SOD2: variants seen among roughly 807,000 people sequenced by gnomAD.
The protein encoded by SOD2 is superoxide dismutase [Mn], mitochondrial.
SOD2 carries 11 observed loss-of-function variants against 27.0 expected under a neutral mutation model. That is an observed-to-expected ratio of 0.41 (90% CI 0.26 to 0.67). SOD2 has a LOEUF of 0.67. SOD2 is among the 30% of genes least tolerant of loss of function. SOD2 has a pLI of 0.34. For missense variants in SOD2, 250 were observed against 274.5 expected (o/e 0.91, Z 0.63); for synonymous variants, 105 against 103.0 (o/e 1.02, Z -0.12).
rs1039610225 is a variant in SOD2 at position 159,673,302 on chromosome 6, C to T, written c.*9191G>A. The T allele has an allele frequency of 6.6e-6, 1 of 152,182 alleles. No individual in the cohort carries two copies. The highest frequency in any genetic ancestry group is 1.5e-5 in the Non-Finnish European group (1 of 68,030). 9.4% of individuals were successfully genotyped at this position (152,182 alleles called of 1,614,324 possible). On this transcript the variant is annotated 3_prime_UTR_variant, in exon 5 of 5. Coordinates refer to ENST00000538183, the MANE Select transcript of SOD2 (RefSeq NM_000636.4). ...CCAAATCAACAGAATATACATTCTT[C>T]TCAGCACCACATCGCACCTATTCCA...
At chr6:159,737,517 A>G (rs1778993617) in intron 1 of SOD2, among the ~76,000 whole-genome samples, 1 of 152,112 alleles carries the variant, frequency 6.6e-6, no homozygotes, top group African/African-American at 2.4e-5. Flanking sequence ...TTTCTGAGAC[A>G]GAGTCTCACT....
chr6:159,714,470 G>A (rs867704829), intron 1 of SOD2, among the ~76,000 whole-genome samples: 24 of 152,072 alleles, frequency 1.6e-4, no homozygotes, highest in Admixed American at 6.5e-5. Flanking sequence ...CCCCAGGCAG[G>A]GCCTGGGTAG....
upstream of SOD2, among the ~76,000 whole-genome samples, chr6:159,747,494 A>T (rs1052600811): frequency 2.0e-5 from 3 of 152,170 alleles, no homozygotes; most frequent in Admixed American, 6.6e-5. Flanking sequence ...TATGAATTAT[A>T]CTTTATTTTG....
chr6:159,719,470 G>A (rs1418896185), intron 1 of SOD2, among the ~76,000 whole-genome samples: 1 of 151,938 alleles, frequency 6.6e-6, no homozygotes, highest in Admixed American at 6.6e-5. Context: ...GGAGGTTGCA[G>A]TGAGCCGAGA....
chr6:159,726,485 G>A (rs770370168), intron 1 of SOD2: 4 of 235,480 alleles, frequency 1.7e-5, no homozygotes, highest in Non-Finnish European at 3.5e-5. Context: ...TGATAAAGCC[G>A]GCTAAGGACA....
intron 1 of SOD2, among the ~76,000 whole-genome samples, chr6:159,711,028 CCACTCAACAGCTCTGAT>C (rs1777738659): frequency 1.2e-5 from 1 of 81,024 alleles, no homozygotes; most frequent in African/African-American, 4.9e-5. Flanking sequence ...TCCATAACCA[CCACTCAACAGCTCTGAT>C]CACCATAACC....
At chr6:159,734,007 A>G (rs1029645813) in intron 1 of SOD2, among the ~76,000 whole-genome samples, 7 of 152,226 alleles carry the variant, frequency 4.6e-5, no homozygotes, top group East Asian at 1.9e-4. Context: ...CTTCAACACA[A>G]TTTACTTAAT....
chr6:159,680,584 GA>G lies in SOD2; in HGVS notation c.*1908del, dbSNP rs995947581. ...AAAAAAATAGAAAAATAAACTTGGG[GA>G]AAAAATTAAAAATAAAAAATAAACT... is the stretch of plus-strand genomic sequence containing the variant. On this transcript the variant is annotated 3_prime_UTR_variant, in exon 5 of 5. Coordinates refer to ENST00000538183, the MANE Select transcript of SOD2 (RefSeq NM_000636.4). 11 of 151,488 alleles carry G rather than the reference GA, an allele frequency of 7.3e-5. No homozygotes were observed. Among genetic ancestry groups the G allele is most frequent in the Non-Finnish European group, 1.6e-4 (11 of 67,890 alleles). The allele number at this position is 151,488 out of a possible 1,614,324, so 9.4% of individuals were successfully genotyped here.
chr6:159,727,831 C>G, upstream of SOD2: 6 of 659,250 alleles, frequency 9.1e-6, no homozygotes, highest in Non-Finnish European at 1.1e-5. Context: ...GGTGCGGCAC[C>G]GGTCTCTCGT....
intron 1 of SOD2, chr6:159,713,258 C>G: frequency 1.4e-6 from 1 of 719,308 alleles, no homozygotes; most frequent in Non-Finnish European, 2.5e-6. Context: ...ATTACAGCCA[C>G]GATAGTCATC....
chr6:159,710,643 G>C (rs1354040703), intron 1 of SOD2, among the ~76,000 whole-genome samples: 2 of 152,000 alleles, frequency 1.3e-5, no homozygotes, highest in Non-Finnish European at 2.9e-5. Context: ...TTGACTGACA[G>C]TCACTGGAGT....
chr6:159,740,750 C>T (rs963658182), intron 1 of SOD2, among the ~76,000 whole-genome samples: 11 of 148,886 alleles, frequency 7.4e-5, no homozygotes, highest in African/African-American at 2.7e-4. Flanking sequence ...TGTCACCAGG[C>T]TGGAATGCAG....
upstream of SOD2, among the ~76,000 whole-genome samples, chr6:159,731,120 A>C (rs182781655): frequency 2.1e-4 from 31 of 150,726 alleles, no homozygotes; most frequent in African/African-American, 6.8e-4. Context: ...CAGCCTGGGC[A>C]ACAGAGAGAG....
chr6:159,713,532 G>A, intron 1 of SOD2: 2 of 706,636 alleles, frequency 2.8e-6, no homozygotes. Context: ...ACTGCACAAA[G>A]GCTTCCCCTG....
chr6:159,688,230 G>A lies in SOD2; in HGVS notation c.239C>T (p.Ala80Val). 6.2e-7 allele frequency: 1 copy of A among 1,605,058 alleles called. No homozygotes were observed. The highest frequency in any genetic ancestry group is 8.5e-7 in the Non-Finnish European group (1 of 1,171,858). ...QEALAKGDVT[A>V]QIALQPALKF... ...CAGTGCAGGCTGAAGAGCTATCTGGGCTGTAACATCTCCTGAAAAGTTAAA... is the reference window on the plus strand; with the variant it reads ...CAGTGCAGGCTGAAGAGCTATCTGGACTGTAACATCTCCTGAAAAGTTAAA... Residue 80 changes from alanine to valine, a missense_variant, in exon 3 of 5, where the codon GCC becomes GTC. Transcript: ENST00000538183.
Position 159,671,819 on chromosome 6 carries a change from A to T in SOD2, c.*10674T>A, listed in dbSNP as rs1779670965. 1 of 152,348 alleles carries T rather than the reference A, an allele frequency of 6.6e-6. No homozygotes were observed. The highest frequency in any genetic ancestry group is 1.5e-5 in the Non-Finnish European group (1 of 68,034). 9.4% of individuals were successfully genotyped at this position (152,348 alleles called of 1,614,324 possible). A position where few individuals can be genotyped will look rare whatever the true frequency, so the allele number is the denominator to read the frequency against. On this transcript the variant is annotated 3_prime_UTR_variant, in exon 5 of 5. Coordinates refer to ENST00000538183, the MANE Select transcript of SOD2 (RefSeq NM_000636.4). The stretch of plus-strand genomic sequence containing the variant: ...AAGCTAAAAGAGGAAGTTCGAACCC[A>T]TCACAAAGAACCTAAAAACCTTGAA...
At chr6:159,727,628 G>C, upstream of SOD2, 2 of 986,158 alleles carry the variant, frequency 2.0e-6, no homozygotes, top group Non-Finnish European at 1.2e-6. Flanking sequence ...TGGCCCGGGG[G>C]GCCCGGGCGG....
chr6:159,720,315 G>T (rs1778010178), intron 1 of SOD2: 1 of 152,064 alleles, frequency 6.6e-6, no homozygotes, highest in East Asian at 1.9e-4. Context: ...CTCCTAGAGT[G>T]CTGGGATTAC....
rs1397440393 is a variant in SOD2, at chr6:159,672,874, T to C, written c.*9619A>G. 1.3e-5 allele frequency: 2 copies of C among 151,040 alleles called. No homozygotes were observed. Among genetic ancestry groups the C allele is most frequent in the Non-Finnish European group, 2.9e-5 (2 of 67,852 alleles). The allele number at this position is 151,040 out of a possible 1,614,324, so 9.4% of individuals were successfully genotyped here. On this transcript the variant is annotated 3_prime_UTR_variant, in exon 5 of 5. Coordinates refer to ENST00000538183, the MANE Select transcript of SOD2 (RefSeq NM_000636.4). ...TCTCACGTACAGAGACACACACACA[T>C]AGGCTCAAAATAAAAGGATGGAGGA... is the stretch of plus-strand genomic sequence containing the variant.
Sources: gnomAD v4.1 joint callset for allele counts (sites outside exome capture counted in the v4.1 genomes callset) on GRCh38, gnomAD v4.1.1 for gene constraint, MANE v1.5 for transcripts, NCBI Gene and HGNC (gene_info 2026-07-23, HGNC 2026-07-21) for gene names.